The following ZNF438 variants were observed in gnomAD, a reference collection of about 807,000 sequenced individuals.
ZNF438 encodes zinc finger protein 438.
ZNF438 carries 25 observed loss-of-function variants against 38.0 expected under a neutral mutation model. That is an observed-to-expected ratio of 0.66 (90% CI 0.48 to 0.92). The LOEUF is 0.92. ZNF438 is among the 40% of genes least tolerant of loss of function. ZNF438 has a pLI of 0.00. For missense variants in ZNF438, 1,007 were observed against 999.6 expected, an observed-to-expected ratio of 1.01 and a Z score of -0.10; for synonymous variants, 372 against 364.1, an observed-to-expected ratio of 1.02 and a Z score of -0.25.
At chr10:30,999,777 T>C (rs2054457377) in intron 1 of ZNF438, among the ~76,000 whole-genome samples, 1 of 152,198 alleles carries the variant, frequency 6.6e-6, no homozygotes, top group African/African-American at 2.4e-5. Flanking sequence ...ACTTGATCTA[T>C]GGTCATTACC....
rs561080623 is a variant in ZNF438 at position 30,955,804 on chromosome 10, G to T, written c.-191-14153C>A. On this transcript the variant is annotated intron_variant, in intron 1 of 5. Coordinates refer to ENST00000413025, the Ensembl canonical transcript of ZNF438. The stretch of plus-strand genomic sequence containing the variant: ...GGTAGTAACATATTATTACAACGTT[G>T]ATTTTTGTAACTTATTATTATTTTT... Among the ~76,000 whole-genome samples, 80 of 152,300 alleles carry T rather than the reference G, an allele frequency of 5.3e-4. 1 individual carries two copies. The highest frequency in any genetic ancestry group is 1.8e-3 in the African/African-American group (76 of 41,570).
intron 2 of ZNF438, among the ~76,000 whole-genome samples, chr10:30,938,245 G>A (rs937420090): frequency 6.6e-6 from 1 of 151,592 alleles, no homozygotes; most frequent in African/African-American, 2.4e-5. Flanking sequence ...TATTCATGCG[G>A]TTAATCCAAC....
intron 2 of ZNF438, among the ~76,000 whole-genome samples, chr10:30,938,276 T>C (rs186875682): frequency 1.3e-5 from 2 of 151,940 alleles, no homozygotes; most frequent in East Asian, 3.9e-4. Context: ...ATTTCCTCTA[T>C]AGCTCTTTTT....
chr10:31,023,686 C>G (rs754424700), intron 1 of ZNF438, among the ~76,000 whole-genome samples: 19 of 152,136 alleles, frequency 1.2e-4, no homozygotes, highest in Non-Finnish European at 5.9e-5. Flanking sequence ...AACCACAAAA[C>G]CAGTTTTAAA....
intron 3 of ZNF438, among the ~76,000 whole-genome samples, chr10:30,879,012 C>T (rs58048153): frequency 0.018 from 2,738 of 152,178 alleles, 73 homozygotes; most frequent in African/African-American, 0.063. Flanking sequence ...TATGTGAGGA[C>T]AGATCCTTGC....
Position 30,941,223 on chromosome 10 carries a change from C to T in ZNF438, c.-115+352G>A, listed in dbSNP as rs143409236. 6.5e-3 allele frequency among the ~76,000 whole-genome samples: 994 copies of T among 152,214 alleles called. 12 individuals carry two copies. Among genetic ancestry groups the T allele is most frequent in the African/African-American group, 0.022 (930 of 41,532 alleles). On this transcript the variant is annotated intron_variant, in intron 2 of 5. Coordinates refer to ENST00000413025, the Ensembl canonical transcript of ZNF438. ...AGTAGCTGGGACTACAGGCGCCTGC[C>T]ACCATGCCCAACTAATTTTTGTAGT...
At chr10:31,006,740 T>C (rs1248056173) in intron 1 of ZNF438, among the ~76,000 whole-genome samples, 1 of 104,058 alleles carries the variant, frequency 9.6e-6, no homozygotes, top group Non-Finnish European at 1.8e-5. Flanking sequence ...ACCCGAGTGG[T>C]GTCTGCTGCA....
chr10:30,949,637 A>T (rs1452819254), intron 1 of ZNF438, among the ~76,000 whole-genome samples: 1 of 152,238 alleles, frequency 6.6e-6, no homozygotes, highest in East Asian at 1.9e-4. Flanking sequence ...ACCAACAAAG[A>T]TCAAAAGAGA....
intron 2 of ZNF438, among the ~76,000 whole-genome samples, chr10:30,909,983 T>C (rs1487217085): frequency 1.3e-5 from 2 of 152,170 alleles, no homozygotes; most frequent in African/African-American, 4.8e-5. Flanking sequence ...GGTAAATATA[T>C]TCTTTTCACA....
chr10:30,989,317 CA>C (rs1051976387), intron 1 of ZNF438, among the ~76,000 whole-genome samples: 3 of 152,046 alleles, frequency 2.0e-5, no homozygotes, highest in Non-Finnish European at 4.4e-5. Flanking sequence ...GGAGCTCCAC[CA>C]AAAGGAAGCT....
chr10:30,995,199 C>T (rs1239135958), intron 1 of ZNF438, among the ~76,000 whole-genome samples: 1 of 152,120 alleles, frequency 6.6e-6, no homozygotes, highest in African/African-American at 2.4e-5. Context: ...TACTTCCAGA[C>T]ACATTACAGG....
At chr10:30,937,871 T>C (rs1002004405) in intron 2 of ZNF438, among the ~76,000 whole-genome samples, 13 of 152,220 alleles carry the variant, frequency 8.5e-5, no homozygotes, top group Non-Finnish European at 1.8e-4. Context: ...CAGAAACCTC[T>C]ATAGTCTTCC....
chr10:31,009,899 A>G (rs1407535414), intron 1 of ZNF438, among the ~76,000 whole-genome samples: 3 of 133,498 alleles, frequency 2.2e-5, no homozygotes, highest in Non-Finnish European at 1.5e-5. Flanking sequence ...AGCAGGCTGG[A>G]GTGCAGTGGC....
At chr10:30,958,090 T>C (rs983171555) in intron 1 of ZNF438, among the ~76,000 whole-genome samples, 10 of 146,798 alleles carry the variant, frequency 6.8e-5, no homozygotes, top group African/African-American at 2.4e-4. Flanking sequence ...TGTAGTTCCA[T>C]TTTTGGGACT....
intron 1 of ZNF438, among the ~76,000 whole-genome samples, chr10:30,946,556 A>G (rs2047435517): frequency 6.6e-6 from 1 of 152,218 alleles, no homozygotes; most frequent in East Asian, 1.9e-4. Context: ...ACACTTCTCA[A>G]AAGAAGACAT....
intron 1 of ZNF438, among the ~76,000 whole-genome samples, chr10:30,955,292 G>A (rs2048738368): frequency 6.6e-6 from 1 of 152,236 alleles, no homozygotes. Flanking sequence ...ATAGTGGACT[G>A]TGGTGGATTA....
chr10:30,856,859 A>G (rs2034722127), intron 4 of ZNF438, among the ~76,000 whole-genome samples: 1 of 152,234 alleles, frequency 6.6e-6, no homozygotes, highest in Non-Finnish European at 1.5e-5. Context: ...ATACTAAAAT[A>G]ACAATTTTGA....
chr10:30,928,724 C>T (rs1372140807), intron 2 of ZNF438, among the ~76,000 whole-genome samples: 2 of 152,172 alleles, frequency 1.3e-5, no homozygotes, highest in Non-Finnish European at 2.9e-5. Context: ...CCTCCACTGT[C>T]CCCGAGTCCT....
intron 2 of ZNF438, among the ~76,000 whole-genome samples, chr10:30,921,688 C>T (rs542534392): frequency 2.0e-5 from 3 of 151,734 alleles, no homozygotes; most frequent in East Asian, 2.0e-4. Context: ...TATGATTATG[C>T]GTATGATGGA....
Sources: allele counts gnomAD v4.1 joint callset (sites outside exome capture counted in the v4.1 genomes callset), GRCh38; gene constraint gnomAD v4.1.1; transcripts MANE v1.5; gene names NCBI Gene and HGNC (gene_info 2026-07-23, HGNC 2026-07-21).